The following LRRC3B variants were observed in gnomAD, a reference collection of about 807,000 sequenced individuals.
LRRC3B encodes the protein leucine rich repeat containing 3B.
Under a neutral mutation model 12.8 loss-of-function variants are expected in LRRC3B, and 2 were observed. That is an observed-to-expected ratio of 0.16 (90% confidence interval 0.06 to 0.49). LRRC3B has a LOEUF of 0.49. LRRC3B is among the 20% of genes least tolerant of loss of function. LRRC3B has a pLI of 0.96. For missense variants in LRRC3B, 189 were observed against 319.4 expected (o/e 0.59, Z 3.11); for synonymous variants, 132 against 122.0 (o/e 1.08, Z -0.54).
At chr3:26,671,591 C>T (rs1400731295) in intron 1 of LRRC3B, among the ~76,000 whole-genome samples, 3 of 151,140 alleles carry the variant, frequency 2.0e-5, no homozygotes, top group Non-Finnish European at 1.5e-5. Flanking sequence ...GACGGGGTTT[C>T]GTCATGTTGG....
intron 1 of LRRC3B, among the ~76,000 whole-genome samples, chr3:26,664,964 A>C (rs1384184287): frequency 6.6e-6 from 1 of 151,384 alleles, no homozygotes; most frequent in Admixed American, 6.6e-5. Flanking sequence ...ATAGGGTACA[A>C]GAATTTACAT....
At chr3:26,693,435 C>T (rs948825242) in intron 1 of LRRC3B, among the ~76,000 whole-genome samples, 18 of 151,552 alleles carry the variant, frequency 1.2e-4, no homozygotes, top group African/African-American at 4.1e-4. Context: ...TCATGAATGT[C>T]TCATCTGCCT....
intron 1 of LRRC3B, among the ~76,000 whole-genome samples, chr3:26,679,788 G>C (rs1699932800): frequency 6.6e-6 from 1 of 152,146 alleles, no homozygotes; most frequent in Admixed American, 6.5e-5. Flanking sequence ...CTCTGCTGTA[G>C]GCTCAACATC....
intron 1 of LRRC3B, among the ~76,000 whole-genome samples, chr3:26,686,175 G>A (rs1575161960): frequency 6.6e-6 from 1 of 151,990 alleles, no homozygotes; most frequent in East Asian, 1.9e-4. Flanking sequence ...CGCCTCCCGG[G>A]TTCACGCCAT....
At chr3:26,632,821 C>T (rs1414697426) in intron 1 of LRRC3B, among the ~76,000 whole-genome samples, 1 of 152,082 alleles carries the variant, frequency 6.6e-6, no homozygotes, top group African/African-American at 2.4e-5. Context: ...TGGCTGTTAC[C>T]TGTCGCTTTA....
chr3:26,697,179 T>A (rs543594206), intron 1 of LRRC3B, among the ~76,000 whole-genome samples: 1 of 152,260 alleles, frequency 6.6e-6, no homozygotes, highest in East Asian at 1.9e-4. Flanking sequence ...TGGCTAAAAA[T>A]AACACACATC....
At chr3:26,645,611 G>A (rs1214092899) in intron 1 of LRRC3B, among the ~76,000 whole-genome samples, 1 of 151,810 alleles carries the variant, frequency 6.6e-6, no homozygotes, top group Non-Finnish European at 1.5e-5. Flanking sequence ...TTTTTTGAAT[G>A]CCTACTATGC....
At chr3:26,706,179 G>A (rs768187527) in intron 1 of LRRC3B, among the ~76,000 whole-genome samples, 2 of 152,024 alleles carry the variant, frequency 1.3e-5, no homozygotes, top group African/African-American at 4.8e-5. Context: ...TTTTATAAGG[G>A]CACGAACTCC....
chr3:26,642,047 A>G (rs896898546), intron 1 of LRRC3B, among the ~76,000 whole-genome samples: 3 of 152,204 alleles, frequency 2.0e-5, no homozygotes, highest in African/African-American at 4.8e-5. Context: ...AACAAAAAAT[A>G]TTTCCTGAGA....
intron 1 of LRRC3B, among the ~76,000 whole-genome samples, chr3:26,681,461 T>C (rs1699968354): frequency 6.6e-6 from 1 of 152,226 alleles, no homozygotes; most frequent in Non-Finnish European, 1.5e-5. Flanking sequence ...CCATAATGTC[T>C]ATGAGCTCAG....
intron 1 of LRRC3B, among the ~76,000 whole-genome samples, chr3:26,655,953 G>T (rs1348817830): frequency 6.6e-6 from 1 of 152,084 alleles, no homozygotes; most frequent in Non-Finnish European, 1.5e-5. Flanking sequence ...AGTCAAAATG[G>T]TCATACTAAT....
intron 1 of LRRC3B, among the ~76,000 whole-genome samples, chr3:26,702,026 T>C (rs753511767): frequency 4.6e-5 from 7 of 152,190 alleles, no homozygotes; most frequent in Non-Finnish European, 8.8e-5. Flanking sequence ...TGTGTTATAA[T>C]GAAATGAGAA....
chr3:26,628,371 C>A (rs1575108173), intron 1 of LRRC3B, among the ~76,000 whole-genome samples: 1 of 136,112 alleles, frequency 7.3e-6, no homozygotes. Context: ...ATTTTAATAG[C>A]AAGAGAAGCT....
At chr3:26,647,585 T>C (rs1427678579) in intron 1 of LRRC3B, among the ~76,000 whole-genome samples, 1 of 152,174 alleles carries the variant, frequency 6.6e-6, no homozygotes, top group African/African-American at 2.4e-5. Flanking sequence ...ATGAAGAAAC[T>C]CTTCCATTGC....
At chr3:26,695,401 C>T (rs1700288764) in intron 1 of LRRC3B, among the ~76,000 whole-genome samples, 3 of 152,082 alleles carry the variant, frequency 2.0e-5, no homozygotes, top group African/African-American at 7.2e-5. Context: ...GTGGTGAGCG[C>T]CTGTAGTCCC....
At chr3:26,686,166 G>A (rs868308838) in intron 1 of LRRC3B, among the ~76,000 whole-genome samples, 10 of 151,762 alleles carry the variant, frequency 6.6e-5, no homozygotes, top group South Asian at 6.2e-4. Context: ...TGCAAGCTCC[G>A]CCTCCCGGGT....
intron 1 of LRRC3B, among the ~76,000 whole-genome samples, chr3:26,669,441 GA>G (rs1324137899): frequency 1.3e-5 from 2 of 152,106 alleles, no homozygotes; most frequent in Non-Finnish European, 2.9e-5. Flanking sequence ...TCCAGTAAAT[GA>G]AAGATTTAAT....
chr3:26,684,175 C>T (rs1700027026), intron 1 of LRRC3B, among the ~76,000 whole-genome samples: 1 of 152,204 alleles, frequency 6.6e-6, no homozygotes, highest in South Asian at 2.1e-4. Context: ...TTCCAGCCCT[C>T]TCTGTGCTTT....
At chr3:26,641,464 G>A (rs1422833846) in intron 1 of LRRC3B, among the ~76,000 whole-genome samples, 1 of 152,208 alleles carries the variant, frequency 6.6e-6, no homozygotes, top group African/African-American at 2.4e-5. Context: ...ATCTCAGGAT[G>A]ACTTTTTTCA....
Sources: allele counts gnomAD v4.1 joint callset (sites outside exome capture counted in the v4.1 genomes callset), GRCh38; gene constraint gnomAD v4.1.1; transcripts MANE v1.5; gene names NCBI Gene and HGNC (gene_info 2026-07-23, HGNC 2026-07-21).